PORCN: variants seen among roughly 807,000 people sequenced by gnomAD.
PORCN encodes the protein porcupine O-acyltransferase.
PORCN carries 1 observed loss-of-function variant against 43.0 expected under a neutral mutation model. That is an observed-to-expected ratio of 0.02 (90% confidence interval 0.01 to 0.11). PORCN has a LOEUF of 0.11. PORCN is among the 10% of genes least tolerant of loss of function. The pLI, the probability that PORCN is intolerant of heterozygous loss-of-function variation, is 1.00. For missense variants in PORCN, 240 were observed against 392.1 expected (o/e 0.61, Z 3.28); for synonymous variants, 148 against 166.4 (o/e 0.89, Z 0.85).
At chrX:48,515,626 A>G (rs2061710115) in intron 10 of PORCN, 91 bp from the exon 11 acceptor site, 1 of 732,943 alleles carries the variant, frequency 1.4e-6, no homozygotes, top group African/African-American at 2.1e-5. Flanking sequence ...GGGCTCCAAC[A>G]GGTTGTGGGT....
At position 48,508,993 on chromosome X, in the gene PORCN, G is replaced by T. The variant is rs1251092894; in HGVS notation, c.-148G>T. On this transcript the variant is annotated 5_prime_UTR_variant, in exon 1 of 15. Transcript: ENST00000326194. The stretch of plus-strand genomic sequence containing the variant: ...AGGGCCCGCTCGCCGCGCCGCTCTG[G>T]GAGCCGCTGCTGGTCCCGGCCTTGC... 1 of 112,686 alleles carries T rather than the reference G, an allele frequency of 8.9e-6. No homozygotes were observed. Among genetic ancestry groups the T allele is most frequent in the Non-Finnish European group, 1.9e-5 (1 of 53,257 alleles). 9.3% of individuals were successfully genotyped at this position (112,686 alleles called of 1,213,427 possible).
intron 2 of PORCN, 33 bp from the exon 3 acceptor site, chrX:48,511,258 TTCTC>T (rs2061673452): frequency 3.3e-6 from 3 of 908,972 alleles, no homozygotes; most frequent in Non-Finnish European, 4.5e-6. Context: ...CTCTTTCTCG[TTCTC>T]TCTCTCCCTT....
intron 1 of PORCN, 76 bp downstream of exon 1, chrX:48,509,179 CG>C: frequency 6.0e-6 from 1 of 167,265 alleles, no homozygotes. Flanking sequence ...ATCTGTAGCG[CG>C]AGTGCTAGGA....
Position 48,512,635 on chromosome X carries a change from T to C in PORCN, c.602T>C (p.Leu201Pro), listed in dbSNP as rs782482532. Residue 201 changes from leucine (L) to proline (P), a missense_variant, in exon 6 of 15, where the codon CTG (leucine) becomes CCG (proline). By Grantham distance (98) the Leu-to-Pro change is moderately conservative. Coordinates refer to ENST00000326194, the MANE Select transcript of PORCN (RefSeq NM_203475.3). ...QKVARSLALA[L>P]LCLVLSTCVG... The stretch of plus-strand genomic sequence containing the variant: ...GTGGCCCGGAGCCTGGCACTGGCCC[T>C]GCTGTGCCTTGTGCTGTCCACTTGC... 1 of 1,210,708 alleles carries C rather than the reference T, an allele frequency of 8.3e-7. No individual in the cohort carries two copies. Among genetic ancestry groups the C allele is most frequent in the Non-Finnish European group, 1.1e-6 (1 of 894,891 alleles).
At chrX:48,511,818 C>A in intron 3 of PORCN, 74 bp from the exon 4 acceptor site, 1 of 993,722 alleles carries the variant, frequency 1.0e-6, no homozygotes, top group Non-Finnish European at 1.4e-6. Flanking sequence ...GCACCTTGGA[C>A]CCCCTTCCCC....
intron 1 of PORCN, 122 bp downstream of exon 1, chrX:48,509,225 G>T: frequency 4.5e-6 from 1 of 220,272 alleles, no homozygotes; most frequent in Non-Finnish European, 8.6e-6. Flanking sequence ...TCTCCCTCAG[G>T]CTATGTCTCC....
chrX:48,511,392 C>T lies in PORCN; in HGVS notation c.234C>T (p.Leu78=). 1.7e-6 allele frequency: 2 copies of T among 1,211,345 alleles called. No homozygotes were observed. Among genetic ancestry groups the T allele is most frequent in the East Asian group, 3.0e-5 (1 of 33,848 alleles). The stretch of plus-strand genomic sequence containing the variant: ...TGCACATGGTTTGGGTCGTGCTGCT[C>T]AGCCTCCTGTGCTACCTCGTGCTGT... ...FQLHMVWVVL[L]SLLCYLVLFL... Residue 78 remains leucine (L), a synonymous_variant, in exon 3 of 15, where the codon CTC becomes CTT. Transcript: ENST00000326194.
At position 48,517,916 on chromosome X, in the gene PORCN, A is replaced by AT. The variant is rs35209138; in HGVS notation, c.1284+639dup. Among the ~76,000 whole-genome samples the AT allele has an allele frequency of 5.6e-3, 558 of 100,344 alleles. 3 individuals carry two copies. Among genetic ancestry groups the AT allele is most frequent in the Middle Eastern group, 0.025 (5 of 200 alleles). The allele number at this position is 100,344 out of a possible 115,157, so 87.1% of individuals were successfully genotyped here. A position where few individuals can be genotyped will look rare whatever the true frequency, so the allele number is the denominator to read the frequency against. ...TAGGTAGAATTTGCAAGACTTCTTA[A>AT]TTTTTTTTTTTTTTTTGAGACAAGG... On this transcript the variant is annotated intron_variant, in intron 14 of 14. Coordinates refer to ENST00000326194, the MANE Select transcript of PORCN (RefSeq NM_203475.3).
At chrX:48,509,228 A>G (rs1411651131) in intron 1 of PORCN, 125 bp downstream of exon 1, 12 of 213,979 alleles carry the variant, frequency 5.6e-5, no homozygotes, top group African/African-American at 2.3e-4. Context: ...CCCTCAGGCT[A>G]TGTCTCCTAC....
chrX:48,509,191 C>A (rs1229979517), intron 1 of PORCN, 88 bp downstream of exon 1: 2 of 178,991 alleles, frequency 1.1e-5, no homozygotes, highest in Admixed American at 6.5e-5. Context: ...AGTGCTAGGA[C>A]CCCCTCCCCA....
chrX:48,514,658 G>A (rs2061702402), intron 10 of PORCN, 33 bp downstream of exon 10: 1 of 1,078,372 alleles, frequency 9.3e-7, no homozygotes, highest in Non-Finnish European at 1.3e-6. Flanking sequence ...CAGCTGTGTT[G>A]GTAATCCAGG....
intron 1 of PORCN, 76 bp downstream of exon 1, chrX:48,509,179 C>T (rs2147113022): frequency 6.0e-6 from 1 of 165,600 alleles, no homozygotes. Context: ...ATCTGTAGCG[C>T]GAGTGCTAGG....
rs782760670 is a variant in PORCN, at chrX:48,509,772, C to T, written c.-37-12C>T. On this transcript the variant is annotated splice_polypyrimidine_tract_variant and intron_variant, in intron 1 of 14. Coordinates refer to ENST00000326194, the MANE Select transcript of PORCN (RefSeq NM_203475.3). ...ACGGACACCCGCTCCCTCTGTGTCCCTGCTTTGACAGATCTATCCATCTGG... is the reference window on the plus strand; with the variant it reads ...ACGGACACCCGCTCCCTCTGTGTCCTTGCTTTGACAGATCTATCCATCTGG... 5 of 1,203,038 alleles carry T rather than the reference C, an allele frequency of 4.2e-6. No homozygotes were observed. In the African/African-American group the frequency reaches 8.8e-5, roughly 21 times the overall value.
In PORCN at chrX:48,509,809, TG is replaced by T. The variant is rs781893049; in HGVS notation, c.-7del. 8.3e-7 allele frequency: 1 copy of T among 1,210,578 alleles called. No homozygotes were observed. The highest frequency in any genetic ancestry group is 1.8e-5 in the South Asian group (1 of 56,745). ...ATCTATCCATCTGGCCATCCATCCGTGGGGGTCTGCAATGGCCACCTTTAGC... is the reference window on the plus strand; with the variant it reads ...ATCTATCCATCTGGCCATCCATCCGTGGGGTCTGCAATGGCCACCTTTAGC... On this transcript the variant is annotated 5_prime_UTR_variant, in exon 2 of 15. Coordinates refer to ENST00000326194, the MANE Select transcript of PORCN (RefSeq NM_203475.3).
At position 48,511,295 on chromosome X, in the gene PORCN, G is replaced by A. The variant is rs1556973824; in HGVS notation, c.137G>A (p.Gly46Glu). ...CLACRLLWRL[G>E]LPSYLKHAST... ...CTTTCTTTCTCCCTTTCACCCAAAGGGTTGCCATCCTACCTGAAGCATGCA... is the reference window on the plus strand; with the variant it reads ...CTTTCTTTCTCCCTTTCACCCAAAGAGTTGCCATCCTACCTGAAGCATGCA... Residue 46 changes from glycine (G) to glutamate (E), a missense_variant and splice_region_variant, in exon 3 of 15, where the codon GGG becomes GAG. Gly to Glu is a moderately conservative substitution (Grantham distance 98). Transcript: ENST00000326194. 1 of 1,205,580 alleles carries A rather than the reference G, an allele frequency of 8.3e-7. No homozygotes were observed. Among genetic ancestry groups the A allele is most frequent in the Admixed American group, 2.2e-5 (1 of 45,719 alleles).
At chrX:48,515,839 G>A (rs782714942) in intron 11 of PORCN, 46 bp downstream of exon 11, 2 of 1,199,972 alleles carry the variant, frequency 1.7e-6, no homozygotes, top group Non-Finnish European at 2.3e-6. Flanking sequence ...GGTGGGGGCG[G>A]GTGGCAGGGC....
rs782102166 is a variant in PORCN at position 48,512,195 on chromosome X, G to A, written c.374-131G>A. The A allele has an allele frequency of 3.5e-4, 259 of 748,447 alleles. 1 individual carries two copies. Among genetic ancestry groups the A allele is most frequent in the Non-Finnish European group, 4.9e-4 (245 of 496,919 alleles). 61.7% of individuals were successfully genotyped at this position (748,447 alleles called of 1,213,427 possible). On this transcript the variant is annotated intron_variant, in intron 4 of 14. Coordinates refer to ENST00000326194, the MANE Select transcript of PORCN (RefSeq NM_203475.3). ...CTGTCCTGGGCTTCCTTGCCCACCT[G>A]CCTATCTGTCCCATGCCCACCTATC...
rs782806598 is a variant in PORCN, at chrX:48,512,595, C to T, written c.562C>T (p.Arg188Trp). 7 of 1,209,410 alleles carry T rather than the reference C, an allele frequency of 5.8e-6. No individual in the cohort carries two copies. The highest frequency in any genetic ancestry group is 1.8e-5 in the South Asian group (1 of 56,602). The stretch of plus-strand genomic sequence containing the variant: ...GAGTGCTTGATCCCTACAGAGCTGC[C>T]GGTGGCTGCAGAAGGTGGCCCGGAG... The part of the protein sequence containing the change: ...QAVQGRPLSC[R>W]WLQKVARSLA... The change falls in exon 6 of 15, where the codon CGG (arginine) becomes TGG (tryptophan). Residue 188 changes from arginine (R) to tryptophan (W), a missense_variant. By Grantham distance (101) the Arg-to-Trp change is moderately radical. Transcript: ENST00000326194.
At chrX:48,513,709 G>T (rs183298409) in intron 7 of PORCN, among the ~76,000 whole-genome samples, 1,179 of 112,352 alleles carry the variant, frequency 0.01, 16 homozygotes, top group African/African-American at 0.037. Flanking sequence ...AGTAGGGGGG[G>T]TGTGTGTGTG....
Sources: allele counts gnomAD v4.1 joint callset (sites outside exome capture counted in the v4.1 genomes callset), GRCh38; gene constraint gnomAD v4.1.1; transcripts MANE v1.5; gene names NCBI Gene and HGNC (gene_info 2026-07-23, HGNC 2026-07-21).